Variants in COLEC12 observed in about 807,000 individuals in gnomAD.
COLEC12 encodes collectin-12.
COLEC12 carries 33 observed loss-of-function variants against 71.1 expected under a neutral mutation model. The observed-to-expected ratio is 0.46, with a 90% CI of 0.35 to 0.62. COLEC12 has a LOEUF of 0.62. Ranked by LOEUF, COLEC12 falls within the 20% of genes least tolerant of loss-of-function variation. COLEC12 has a pLI of 0.00. For missense variants in COLEC12, 765 were observed against 916.1 expected, an observed-to-expected ratio of 0.84 and a Z score of 2.13; for synonymous variants, 350 against 353.0, an observed-to-expected ratio of 0.99 and a Z score of 0.10.
rs1811137477 is a variant in COLEC12 at position 318,385 on chromosome 18, TCA to T, written c.*1658_*1659del. On this transcript the variant is annotated 3_prime_UTR_variant, in exon 10 of 10. Transcript: ENST00000400256. ...TGGATGGAAATCTTACCTTTGAGCA[TCA>T]GTTATATTTAATGCCTAGTTTCAGC... The T allele has an allele frequency of 1.3e-5, 2 of 152,000 alleles. No homozygotes were observed. Among genetic ancestry groups the T allele is most frequent in the Admixed American group, 1.3e-4 (2 of 15,264 alleles). 9.4% of individuals were successfully genotyped at this position (152,000 alleles called of 1,614,324 possible).
At chr18:469,808 A>G (rs1917157517) in intron 2 of COLEC12, among the ~76,000 whole-genome samples, 1 of 152,198 alleles carries the variant, frequency 6.6e-6, no homozygotes, top group South Asian at 2.1e-4. Flanking sequence ...TCTGTTTGGG[A>G]AGCCTTTGAT....
At chr18:411,117 G>A (rs959582153) in intron 2 of COLEC12, among the ~76,000 whole-genome samples, 1 of 152,172 alleles carries the variant, frequency 6.6e-6, no homozygotes, top group African/African-American at 2.4e-5. Context: ...TTAATAATTA[G>A]CAATAATAAT....
At chr18:445,743 T>C (rs534773483) in intron 2 of COLEC12, among the ~76,000 whole-genome samples, 77 of 151,868 alleles carry the variant, frequency 5.1e-4, no homozygotes, top group South Asian at 1.0e-3. Context: ...AGTGATTCCT[T>C]TGCCTCAGCT....
At chr18:439,264 C>A (rs1450449189) in intron 2 of COLEC12, among the ~76,000 whole-genome samples, 1 of 152,146 alleles carries the variant, frequency 6.6e-6, no homozygotes, top group East Asian at 1.9e-4. Context: ...ATAGTCTTTG[C>A]TTTATTCAGA....
intron 2 of COLEC12, among the ~76,000 whole-genome samples, chr18:378,274 C>T (rs892522878): frequency 6.6e-6 from 1 of 152,146 alleles, no homozygotes; most frequent in Non-Finnish European, 1.5e-5. Context: ...CCCTGCACAG[C>T]GCTGGCCAGG....
chr18:443,527 G>T (rs184341347), intron 2 of COLEC12, among the ~76,000 whole-genome samples: 1 of 152,174 alleles, frequency 6.6e-6, no homozygotes, highest in Non-Finnish European at 1.5e-5. Context: ...AGGTTTTCAT[G>T]GGAACATGTG....
chr18:474,993 G>C (rs886379714), intron 2 of COLEC12, among the ~76,000 whole-genome samples: 21 of 152,182 alleles, frequency 1.4e-4, no homozygotes, highest in African/African-American at 4.6e-4. Context: ...AGAATCACTT[G>C]AACCCGGGAG....
chr18:415,648 T>C (rs1018845581), intron 2 of COLEC12, among the ~76,000 whole-genome samples: 4 of 152,122 alleles, frequency 2.6e-5, no homozygotes, highest in Admixed American at 2.0e-4. Context: ...TCTACACACA[T>C]TGGGCTGTAT....
intron 2 of COLEC12, among the ~76,000 whole-genome samples, chr18:470,281 G>A (rs1409541209): frequency 7.2e-6 from 1 of 139,442 alleles, no homozygotes; most frequent in Non-Finnish European, 1.5e-5. Flanking sequence ...TCCCAGGCTG[G>A]AGTGCAGTGG....
Position 472,121 on chromosome 18 carries a change from C to A in COLEC12, c.58+8586G>T, listed in dbSNP as rs145646000. On this transcript the variant is annotated intron_variant, in intron 2 of 9. Coordinates refer to ENST00000400256, the MANE Select transcript of COLEC12 (RefSeq NM_130386.3). ...TTAGTTCTCACAAGAACCCTACAGG[C>A]AGACAATACAGTTATCCCTGTATTC... 9.2e-5 allele frequency among the ~76,000 whole-genome samples: 14 copies of A among 152,300 alleles called. No individual in the cohort carries two copies. The East Asian group carries it at 2.5e-3, about 27-fold the overall frequency.
At chr18:422,062 C>T (rs145418313) in intron 2 of COLEC12, among the ~76,000 whole-genome samples, 1 of 152,292 alleles carries the variant, frequency 6.6e-6, no homozygotes, top group Non-Finnish European at 1.5e-5. Context: ...GCTGAGAGTA[C>T]AAAGGCCTTT....
At position 342,967 on chromosome 18, in the gene COLEC12, T is replaced by C. The variant is rs574911021; in HGVS notation, c.1327+3328A>G. Among the ~76,000 whole-genome samples the C allele has an allele frequency of 4.9e-4, 74 of 152,336 alleles. 2 individuals are homozygous for C. The South Asian group carries it at 0.014, about 30-fold the overall frequency. ...ACGTGTCTACATGGGCCTCTTTTTCTGCAGCTCCCCAGTCTGTATCACCAT... is the reference window on the plus strand; with the variant it reads ...ACGTGTCTACATGGGCCTCTTTTTCCGCAGCTCCCCAGTCTGTATCACCAT... On this transcript the variant is annotated intron_variant, in intron 5 of 9. Transcript: ENST00000400256.
intron 2 of COLEC12, among the ~76,000 whole-genome samples, chr18:387,609 C>T (rs760534937): frequency 6.6e-6 from 1 of 152,156 alleles, no homozygotes; most frequent in African/African-American, 2.4e-5. Context: ...TCACTTAATA[C>T]TTGAGAACTG....
At chr18:367,890 A>G (rs1195748169) in intron 2 of COLEC12, among the ~76,000 whole-genome samples, 1 of 152,184 alleles carries the variant, frequency 6.6e-6, no homozygotes, top group African/African-American at 2.4e-5. Context: ...CGAGTTCAAG[A>G]CTGGCCAGGG....
chr18:360,617 T>A (rs1018508339), intron 2 of COLEC12, among the ~76,000 whole-genome samples: 3 of 152,190 alleles, frequency 2.0e-5, no homozygotes, highest in African/African-American at 7.2e-5. Flanking sequence ...CATCACATTG[T>A]TGAAATGCAG....
At chr18:417,041 G>GAC (rs35399538) in intron 2 of COLEC12, among the ~76,000 whole-genome samples, 10,966 of 150,224 alleles carry the variant, frequency 0.073, 502 homozygotes, top group Admixed American at 0.13. Context: ...CATGCACCCA[G>GAC]ACACACACAC....
Position 494,512 on chromosome 18 carries a change from T to C in COLEC12, c.7+5996A>G, listed in dbSNP as rs1254108465. On this transcript the variant is annotated intron_variant, in intron 1 of 9. Transcript: ENST00000400256. Reference sequence around the variant, plus strand: ...TAAAGAAACTGGGGCCCCAGGGGGTTAAGTGACTTGCCTGAGGTCCCCAGG... The same window carrying C: ...TAAAGAAACTGGGGCCCCAGGGGGTCAAGTGACTTGCCTGAGGTCCCCAGG... Among the ~76,000 whole-genome samples the C allele has an allele frequency of 2.0e-5, 3 of 152,306 alleles. No individual in the cohort carries two copies. In the East Asian group the frequency reaches 5.8e-4, roughly 29 times the overall value.
intron 2 of COLEC12, among the ~76,000 whole-genome samples, chr18:363,035 G>C (rs1028347407): frequency 6.6e-5 from 10 of 152,188 alleles, no homozygotes; most frequent in South Asian, 6.2e-4. Context: ...AAGCTGGCAG[G>C]GGGGGAATGG....
At chr18:357,378 A>C (rs2143501302) in intron 3 of COLEC12, 22 bp downstream of exon 3, 4 of 1,572,472 alleles carry the variant, frequency 2.5e-6, no homozygotes, top group Non-Finnish European at 2.6e-6. Flanking sequence ...TATTTGGAAG[A>C]AAAAAAAGAA....
Sources: gnomAD v4.1 joint callset for allele counts (sites outside exome capture counted in the v4.1 genomes callset) on GRCh38, gnomAD v4.1.1 for gene constraint, MANE v1.5 for transcripts, NCBI Gene and HGNC (gene_info 2026-07-23, HGNC 2026-07-21) for gene names.